LATS2: variants seen among roughly 807,000 people sequenced by gnomAD.
LATS2 encodes large tumor suppressor kinase 2, also known as serine/threonine-protein kinase LATS2.
A neutral mutation model predicts 76.0 loss-of-function variants in LATS2; 24 were observed. The observed-to-expected ratio is 0.32, with a 90% CI of 0.23 to 0.44. LATS2 has a LOEUF of 0.44. Among genes scored for constraint, LATS2 ranks in the 20% least tolerant of loss-of-function variants. The pLI, the probability that LATS2 is intolerant of heterozygous loss-of-function variation, is 1.00. For missense variants in LATS2, 1,286 were observed against 1,481.2 expected, an observed-to-expected ratio of 0.87 and a Z score of 2.16; for synonymous variants, 692 against 635.4, an observed-to-expected ratio of 1.09 and a Z score of -1.34.
intron 4 of LATS2, among the ~76,000 whole-genome samples, chr13:20,986,139 C>A (rs978645534): frequency 1.3e-5 from 2 of 152,122 alleles, no homozygotes; most frequent in African/African-American, 2.4e-5. Context: ...TGCTCATTAA[C>A]CATCAGGGAA....
chr13:21,049,619 C>T (rs1039384342), intron 1 of LATS2, among the ~76,000 whole-genome samples: 1 of 152,168 alleles, frequency 6.6e-6, no homozygotes, highest in Non-Finnish European at 1.5e-5. Context: ...AAGGGGCAAG[C>T]TGCTTTTCAC....
chr13:20,989,131 G>A lies in LATS2; in HGVS notation c.649C>T (p.Pro217Ser). 1 of 1,610,032 alleles carries A rather than the reference G, an allele frequency of 6.2e-7. No individual in the cohort carries two copies. The highest frequency in any genetic ancestry group is 8.5e-7 in the Non-Finnish European group (1 of 1,178,690). ...MPRPYVDYLF[P>S]GVGPHGPGHQ... is the part of the protein sequence containing the mutation. ...CCGGGCCCGTGGGGGCCGACTCCGGGGAAAAGGTAGTCCACGTACGGCCGC... is the reference window on the plus strand; with the variant it reads ...CCGGGCCCGTGGGGGCCGACTCCGGAGAAAAGGTAGTCCACGTACGGCCGC... The change falls in exon 4 of 8, where the codon CCC (proline) becomes TCC (serine). Residue 217 changes from proline (P) to serine (S), a missense_variant. By Grantham distance (74) the Pro-to-Ser change is moderately conservative. Transcript: ENST00000382592.
intron 3 of LATS2, among the ~76,000 whole-genome samples, chr13:20,990,219 G>A (rs1870445506): frequency 6.6e-6 from 1 of 152,182 alleles, no homozygotes; most frequent in Admixed American, 6.5e-5. Context: ...AATCAGCACG[G>A]AACATGGGCC....
At position 20,998,023 on chromosome 13, in the gene LATS2, C is replaced by T. The variant is rs370614058; in HGVS notation, c.343-6619G>A. ...TAGAAACGGAGCACTCTGGCCCTATCGTGTCTGCGTGGGCCTCTGTCTGTG... is the reference window on the plus strand; with the variant it reads ...TAGAAACGGAGCACTCTGGCCCTATTGTGTCTGCGTGGGCCTCTGTCTGTG... On this transcript the variant is annotated intron_variant, in intron 2 of 7. Transcript: ENST00000382592. Among the ~76,000 whole-genome samples, 55 of 152,214 alleles carry T rather than the reference C, an allele frequency of 3.6e-4. 1 individual carries two copies. In the South Asian group the frequency reaches 8.3e-3, roughly 23 times the overall value.
chr13:21,033,122 G>GAA (rs1054746367), intron 2 of LATS2, among the ~76,000 whole-genome samples: 1 of 139,738 alleles, frequency 7.2e-6, no homozygotes, highest in Admixed American at 7.1e-5. Flanking sequence ...ACACTTAAGA[G>GAA]AAAAAAAAAA....
Position 20,974,944 on chromosome 13 carries a change from G to T in LATS2, c.3193C>A (p.Gln1065Lys). Residue 1065 changes from glutamine to lysine, a missense_variant, in exon 8 of 8, where the codon CAG (glutamine) becomes AAG (lysine). Gln to Lys is a moderately conservative substitution (Grantham distance 53, BLOSUM62 1). Around this residue, in one of 5 missense-constraint regions of LATS2, gnomAD observed 210 missense variants for 234.9 expected, o/e 0.89. Transcript: ENST00000382592. ...CTTTCTAAATCTGAGCTCTCAGCCT[G>T]TGAAGCTTCTGCTCCTGAAGGCTTT... ...CPKPSGAEAS[Q>K]AESSDLESSD... 1.2e-6 allele frequency: 2 copies of T among 1,614,202 alleles called. No individual in the cohort carries two copies. The highest frequency in any genetic ancestry group is 2.2e-5 in the East Asian group (1 of 44,888).
At chr13:21,048,027 G>T (rs150288953) in intron 1 of LATS2, among the ~76,000 whole-genome samples, 1 of 152,318 alleles carries the variant, frequency 6.6e-6, no homozygotes, top group East Asian at 1.9e-4. Context: ...TGCAGACATT[G>T]AGCTATTAGA....
Position 20,987,921 on chromosome 13 carries a change from T to G in LATS2, c.1859A>C (p.Lys620Thr). 1 of 1,614,032 alleles carries G rather than the reference T, an allele frequency of 6.2e-7. No homozygotes were observed. The highest frequency in any genetic ancestry group is 8.5e-7 in the Non-Finnish European group (1 of 1,179,892). The change falls in exon 4 of 8, where the codon AAG becomes ACG. Residue 620 changes from lysine to threonine, a missense_variant. By Grantham distance (78) the Lys-to-Thr change is moderately conservative. Transcript: ENST00000382592. ...CTCCAGCTGCAGCCTCCGGTTAACCTTCTGCTGGTAGGTTTTGATGACATT... is the reference window on the plus strand; with the variant it reads ...CTCCAGCTGCAGCCTCCGGTTAACCGTCTGCTGGTAGGTTTTGATGACATT... The part of the protein sequence containing the change: ...VENVIKTYQQ[K>T]VNRRLQLEQE...
At position 20,975,239 on chromosome 13, in the gene LATS2, G is replaced by A; in HGVS notation, c.2898C>T (p.Asp966=). ...DHRLGRNGAD[D]LKAHPFFSAI... is the part of the protein sequence containing the mutation. The stretch of plus-strand genomic sequence containing the variant: ...CGCTGAAGAAGGGGTGGGCCTTCAG[G>A]TCATCGGCCCCATTCCGCCCCAGGC... Residue 966 remains aspartate (D), a synonymous_variant, in exon 8 of 8, where the codon GAC becomes GAT. Transcript: ENST00000382592. 1 of 1,614,222 alleles carries A rather than the reference G, an allele frequency of 6.2e-7. No individual in the cohort carries two copies. Among genetic ancestry groups the A allele is most frequent in the Non-Finnish European group, 8.5e-7 (1 of 1,180,036 alleles).
intron 2 of LATS2, among the ~76,000 whole-genome samples, chr13:21,021,455 GCAGAGTGAGACTCT>G (rs1477636595): frequency 9.0e-6 from 1 of 110,684 alleles, no homozygotes; most frequent in African/African-American, 3.5e-5. Context: ...AGCCCGGGCA[GCAGAGTGAGACTCT>G]GTCTCAAAAA....
At chr13:21,057,725 A>G (rs1873493613) in intron 1 of LATS2, among the ~76,000 whole-genome samples, 1 of 152,162 alleles carries the variant, frequency 6.6e-6, no homozygotes, top group Admixed American at 6.5e-5. Flanking sequence ...GTGTGAACCC[A>G]GGAGGAGGAG....
intron 2 of LATS2, among the ~76,000 whole-genome samples, chr13:21,041,578 C>T (rs1331602149): frequency 6.6e-6 from 1 of 152,090 alleles, no homozygotes; most frequent in African/African-American, 2.4e-5. Context: ...CAATGCTGAG[C>T]CACAGACTGG....
chr13:21,045,624 T>C, intron 2 of LATS2, 61 bp downstream of exon 2: 1 of 1,361,512 alleles, frequency 7.3e-7, no homozygotes, highest in Non-Finnish European at 1.0e-6. Context: ...CAAACCATTC[T>C]GACTGCCCCA....
intron 4 of LATS2, among the ~76,000 whole-genome samples, chr13:20,987,181 C>A (rs1460661274): frequency 6.6e-6 from 1 of 151,534 alleles, no homozygotes; most frequent in East Asian, 1.9e-4. Flanking sequence ...GGTGACAGAG[C>A]AAGACTCCGT....
intron 1 of LATS2, among the ~76,000 whole-genome samples, chr13:21,056,940 G>A (rs1873466382): frequency 6.6e-6 from 1 of 152,226 alleles, no homozygotes; most frequent in Non-Finnish European, 1.5e-5. Context: ...GGGAGAGAAA[G>A]ATGAACAAAA....
At chr13:21,004,743 C>G (rs1211692934) in intron 2 of LATS2, among the ~76,000 whole-genome samples, 2 of 152,058 alleles carry the variant, frequency 1.3e-5, no homozygotes, top group African/African-American at 4.8e-5. Flanking sequence ...GAGCCAAGCC[C>G]AATGTGAGAC....
intron 2 of LATS2, among the ~76,000 whole-genome samples, chr13:21,030,795 T>C (rs1872507061): frequency 1.3e-5 from 2 of 152,174 alleles, no homozygotes; most frequent in African/African-American, 2.4e-5. Context: ...TAGTATTTTA[T>C]ACTTATTGAT....
chr13:20,976,556 T>A (rs544112387), intron 7 of LATS2, among the ~76,000 whole-genome samples: 1 of 152,304 alleles, frequency 6.6e-6, no homozygotes, highest in South Asian at 2.1e-4. Flanking sequence ...AAGGGGTTAG[T>A]ACCCAGAGAA....
intron 6 of LATS2, 91 bp downstream of exon 6, chr13:20,981,375 T>C (rs1869868968): frequency 1.7e-6 from 2 of 1,190,782 alleles, no homozygotes; most frequent in African/African-American, 1.5e-5. Context: ...CTGGAAGCAT[T>C]AGGTCCTTGG....
Sources: gnomAD v4.1 joint callset for allele counts (sites outside exome capture counted in the v4.1 genomes callset) on GRCh38, gnomAD v4.1.1 for gene constraint, gnomAD v4.1.1 regional missense constraint, MANE v1.5 for transcripts, NCBI Gene and HGNC (gene_info 2026-07-23, HGNC 2026-07-21) for gene names.